Variants in PUS7 observed in about 807,000 individuals in gnomAD.
PUS7 encodes the protein pseudouridine synthase 7, also known as pseudouridylate synthase 7 homolog.
PUS7 carries 48 observed loss-of-function variants against 79.8 expected under a neutral mutation model. The ratio of observed to expected loss-of-function variants is 0.60; its 90% CI spans 0.48 to 0.76. The LOEUF is 0.76. Ranked by LOEUF, PUS7 falls within the 30% of genes least tolerant of loss-of-function variation. The pLI, the probability that PUS7 is intolerant of heterozygous loss-of-function variation, is 0.00. For missense variants in PUS7, 729 were observed against 797.6 expected, an observed-to-expected ratio of 0.91 and a Z score of 1.04; for synonymous variants, 286 against 272.2, an observed-to-expected ratio of 1.05 and a Z score of -0.50.
chr7:105,470,564 G>A, intron 11 of PUS7, 124 bp downstream of exon 11: 1 of 1,175,574 alleles, frequency 8.5e-7, no homozygotes, highest in Non-Finnish European at 1.2e-6. Flanking sequence ...AAACACCTCA[G>A]AGATCACCAA....
intron 7 of PUS7, among the ~76,000 whole-genome samples, chr7:105,483,789 C>T (rs1290586312): frequency 6.6e-6 from 1 of 152,200 alleles, no homozygotes; most frequent in African/African-American, 2.4e-5. Flanking sequence ...AGCCAGTGCA[C>T]CTGGCCATCT....
In PUS7 at chr7:105,462,764, C is replaced by G. The variant is rs374037548; in HGVS notation, c.1628-14G>C. 20 of 1,600,130 alleles carry G rather than the reference C, an allele frequency of 1.2e-5. No homozygotes were observed. The South Asian group carries it at 1.8e-4, about 14-fold the overall frequency. On this transcript the variant is annotated splice_polypyrimidine_tract_variant and intron_variant, in intron 13 of 15. Coordinates refer to ENST00000469408, the MANE Select transcript of PUS7 (RefSeq NM_019042.5). ...AGGCTTCTTGAACTAATATAAAATA[C>G]AAAAAGTTAGTTGAAATGCAGCTTG...
intron 1 of PUS7, among the ~76,000 whole-genome samples, chr7:105,515,791 T>TCTATTTATTTA (rs1554353687): frequency 4.1e-4 from 50 of 121,270 alleles, no homozygotes; most frequent in African/African-American, 1.6e-3. Flanking sequence ...TTTTATTTTA[T>TCTATTTATTTA]TTTATTTATT....
intron 5 of PUS7, among the ~76,000 whole-genome samples, chr7:105,497,377 AGT>A (rs1162613613): frequency 1.3e-5 from 2 of 152,214 alleles, no homozygotes; most frequent in African/African-American, 4.8e-5. Context: ...TTTTTTTGAT[AGT>A]GAGACAAGTA....
chr7:105,488,127 G>A (rs1469562440), intron 7 of PUS7, among the ~76,000 whole-genome samples: 1 of 152,152 alleles, frequency 6.6e-6, no homozygotes, highest in African/African-American at 2.4e-5. Flanking sequence ...AGATGATAAA[G>A]GCAGCAAAAA....
chr7:105,516,949 G>A (rs934625910), intron 1 of PUS7, among the ~76,000 whole-genome samples: 3 of 152,058 alleles, frequency 2.0e-5, no homozygotes, highest in Non-Finnish European at 2.9e-5. Context: ...AAAGTTACTA[G>A]ATGTGAAAAG....
Position 105,459,179 on chromosome 7 carries a change from A to G in PUS7, c.1838T>C (p.Val613Ala). ...CTGAGTAAACTTACCAGAAGCAAAAACTGGTGGTGTCTTCCCTTCTAGGTT... is the reference window on the plus strand; with the variant it reads ...CTGAGTAAACTTACCAGAAGCAAAAGCTGGTGGTGTCTTCCCTTCTAGGTT... ...VDNLEGKTPP[V>A]FASEGKYRAL... is the part of the protein sequence containing the mutation. Residue 613 changes from valine to alanine, a missense_variant, in exon 15 of 16, where the codon GTT (valine) becomes GCT (alanine). By Grantham distance (64) the Val-to-Ala change is moderately conservative. Coordinates refer to ENST00000469408, the MANE Select transcript of PUS7 (RefSeq NM_019042.5). The G allele has an allele frequency of 6.2e-7, 1 of 1,606,990 alleles. No homozygotes were observed.
intron 15 of PUS7, among the ~76,000 whole-genome samples, chr7:105,458,949 A>G (rs1823303457): frequency 6.6e-6 from 1 of 152,148 alleles, no homozygotes; most frequent in Non-Finnish European, 1.5e-5. Flanking sequence ...TCCATCACCT[A>G]ATATCACAAC....
At chr7:105,490,718 CCTG>C (rs1334111216) in intron 7 of PUS7, among the ~76,000 whole-genome samples, 2 of 152,188 alleles carry the variant, frequency 1.3e-5, no homozygotes, top group African/African-American at 4.8e-5. Flanking sequence ...CTTTTCTTAA[CCTG>C]CTTTTTTGGT....
chr7:105,520,616 G>A (rs958626101), intron 1 of PUS7, among the ~76,000 whole-genome samples: 8 of 152,102 alleles, frequency 5.3e-5, no homozygotes, highest in Admixed American at 3.3e-4. Flanking sequence ...CAGCTACTCC[G>A]GAGGCTGAGG....
intron 1 of PUS7, among the ~76,000 whole-genome samples, chr7:105,519,956 TTCTC>T (rs1826040113): frequency 1.3e-5 from 2 of 152,136 alleles, no homozygotes; most frequent in Non-Finnish European, 2.9e-5. Context: ...AGCTGGATTG[TTCTC>T]TCTCTCTCCT....
At chr7:105,496,198 T>C (rs185757796) in intron 5 of PUS7, among the ~76,000 whole-genome samples, 1,220 of 70,822 alleles carry the variant, frequency 0.017, 5 homozygotes, top group African/African-American at 0.047. Context: ...CACACACACA[T>C]ATATATATAT....
Position 105,457,096 on chromosome 7 carries a change from T to C in PUS7, c.*694A>G, listed in dbSNP as rs970165010. 1.3e-5 allele frequency: 2 copies of C among 151,928 alleles called. No homozygotes were observed. The highest frequency in any genetic ancestry group is 6.6e-5 in the Admixed American group (1 of 15,212). The allele number at this position is 151,928 out of a possible 1,614,324, so 9.4% of individuals were successfully genotyped here. On this transcript the variant is annotated 3_prime_UTR_variant, in exon 16 of 16. Transcript: ENST00000469408. ...CAGTGCAAGATTGAGAATTGCAGGA[T>C]TGCACTGCAATCCAGCCTGTGCTAC...
chr7:105,479,367 C>T (rs1053436567), intron 9 of PUS7, among the ~76,000 whole-genome samples: 1 of 152,162 alleles, frequency 6.6e-6, no homozygotes, highest in Non-Finnish European at 1.5e-5. Flanking sequence ...GAAAACTCTA[C>T]TCCCAAACTA....
At chr7:105,507,717 T>A (rs540075132) in intron 2 of PUS7, among the ~76,000 whole-genome samples, 1 of 151,910 alleles carries the variant, frequency 6.6e-6, no homozygotes, top group Admixed American at 6.6e-5. Flanking sequence ...AATTTTTGTA[T>A]TTTTAGTATA....
intron 1 of PUS7, among the ~76,000 whole-genome samples, chr7:105,513,746 G>A (rs1038870611): frequency 1.4e-5 from 2 of 146,888 alleles, no homozygotes; most frequent in African/African-American, 2.5e-5. Flanking sequence ...GCTGAGGCAG[G>A]AGAATGGCGT....
intron 1 of PUS7, among the ~76,000 whole-genome samples, chr7:105,515,742 C>T (rs1825865962): frequency 6.6e-6 from 1 of 151,736 alleles, no homozygotes; most frequent in Non-Finnish European, 1.5e-5. Flanking sequence ...ATTCTCACGC[C>T]TCAGCCTCCT....
intron 1 of PUS7, among the ~76,000 whole-genome samples, chr7:105,519,474 A>G (rs1433110494): frequency 6.6e-6 from 1 of 151,762 alleles, no homozygotes; most frequent in African/African-American, 2.4e-5. Flanking sequence ...TACTGACCTG[A>G]CCTCAAACGA....
At chr7:105,477,257 A>ATTTTTTTTT (rs199658964) in intron 9 of PUS7, among the ~76,000 whole-genome samples, 1 of 148,856 alleles carries the variant, frequency 6.7e-6, no homozygotes, top group Non-Finnish European at 1.5e-5. Flanking sequence ...TTATTTTATT[A>ATTTTTTTTT]TTTTTTTTTT....
Sources: allele counts gnomAD v4.1 joint callset (sites outside exome capture counted in the v4.1 genomes callset), GRCh38; gene constraint gnomAD v4.1.1; transcripts MANE v1.5; gene names NCBI Gene and HGNC (gene_info 2026-07-23, HGNC 2026-07-21).